The following TNFAIP8L3 variants were observed in gnomAD, a reference collection of about 807,000 sequenced individuals.
TNFAIP8L3 encodes the protein TNF alpha induced protein 8 like 3, also known as tumor necrosis factor alpha-induced protein 8-like protein 3.
TNFAIP8L3 carries 7 observed loss-of-function variants against 11.8 expected under a neutral mutation model. The observed-to-expected ratio is 0.59, with a 90% CI of 0.34 to 1.11. TNFAIP8L3 has a LOEUF of 1.11. TNFAIP8L3 is among the 50% of genes most tolerant of loss of function. TNFAIP8L3 has a pLI of 0.03. For synonymous variants in TNFAIP8L3, 98 were observed against 103.8 expected (o/e 0.94, Z 0.34); for missense variants, 219 against 258.6 (o/e 0.85, Z 1.05).
Position 51,058,342 on chromosome 15 carries a change from T to G in TNFAIP8L3, c.154A>C (p.Thr52Pro). The G allele has an allele frequency of 1.2e-6, 2 of 1,614,186 alleles. No homozygotes were observed. The highest frequency in any genetic ancestry group is 1.7e-6 in the Non-Finnish European group (2 of 1,180,036). ...KTVANMLIDD[T>P]SSEIFDELYK... ...AGCTCATCAAAGATCTCGCTGCTGG[T>G]GTCATCAATCAACATGTTGGCCACA... Residue 52 changes from threonine (T) to proline (P), a missense_variant, in exon 2 of 2, where the codon ACC becomes CCC. Thr to Pro is a conservative substitution (Grantham distance 38, BLOSUM62 -1). Transcript: ENST00000637513.
At chr15:51,083,658 T>C (rs1310512761) in intron 1 of TNFAIP8L3, among the ~76,000 whole-genome samples, 2 of 152,210 alleles carry the variant, frequency 1.3e-5, no homozygotes, top group African/African-American at 4.8e-5. Flanking sequence ...AGGCCTCATA[T>C]TTACAAGCTC....
intron 1 of TNFAIP8L3, among the ~76,000 whole-genome samples, chr15:51,076,126 C>A (rs1213356969): frequency 6.6e-6 from 1 of 152,176 alleles, no homozygotes. Context: ...TATAATCTCC[C>A]TTACATATAC....
At chr15:51,069,431 A>G (rs181226757) in intron 1 of TNFAIP8L3, 1 of 152,364 alleles carries the variant, frequency 6.6e-6, no homozygotes, top group Non-Finnish European at 1.5e-5. Flanking sequence ...CTTACATTGA[A>G]TAATTACACT....
At chr15:51,076,138 C>G (rs1213127151) in intron 1 of TNFAIP8L3, among the ~76,000 whole-genome samples, 1 of 152,156 alleles carries the variant, frequency 6.6e-6, no homozygotes, top group East Asian at 1.9e-4. Flanking sequence ...TACATATACT[C>G]TGTAGTAAAA....
intron 1 of TNFAIP8L3, among the ~76,000 whole-genome samples, chr15:51,077,228 T>C (rs879919096): frequency 2.0e-5 from 3 of 152,234 alleles, no homozygotes; most frequent in Non-Finnish European, 4.4e-5. Context: ...GCAGGCGTCA[T>C]GCTGGCTCTC....
chr15:51,092,662 T>A (rs1398886991), intron 1 of TNFAIP8L3, among the ~76,000 whole-genome samples: 1 of 152,184 alleles, frequency 6.6e-6, no homozygotes, highest in Non-Finnish European at 1.5e-5. Flanking sequence ...ATGGGGCCCA[T>A]CTGACCTTAG....
At chr15:51,092,236 C>A (rs765970177) in intron 1 of TNFAIP8L3, among the ~76,000 whole-genome samples, 17 of 152,214 alleles carry the variant, frequency 1.1e-4, no homozygotes, top group Non-Finnish European at 2.1e-4. Context: ...ATAAGTACTC[C>A]AAGAGGTCCC....
At chr15:51,063,687 G>T (rs749193069) in intron 1 of TNFAIP8L3, among the ~76,000 whole-genome samples, 51 of 152,148 alleles carry the variant, frequency 3.4e-4, no homozygotes, top group Non-Finnish European at 5.0e-4. Flanking sequence ...GTGCTATGAG[G>T]ATATCCCGAG....
At chr15:51,072,210 G>A (rs533500821) in intron 1 of TNFAIP8L3, among the ~76,000 whole-genome samples, 2 of 152,078 alleles carry the variant, frequency 1.3e-5, no homozygotes, top group African/African-American at 4.8e-5. Flanking sequence ...GCACGATCTC[G>A]GCTCACCGCA....
chr15:51,087,570 G>A (rs572677429), intron 1 of TNFAIP8L3, among the ~76,000 whole-genome samples: 1 of 152,176 alleles, frequency 6.6e-6, no homozygotes, highest in African/African-American at 2.4e-5. Flanking sequence ...TTTTACTTCT[G>A]AAACACAACC....
intron 1 of TNFAIP8L3, among the ~76,000 whole-genome samples, chr15:51,092,722 G>A (rs1567296331): frequency 6.6e-6 from 1 of 152,214 alleles, no homozygotes; most frequent in Admixed American, 6.5e-5. Context: ...AACTGACCGT[G>A]AATACAACAG....
intron 1 of TNFAIP8L3, among the ~76,000 whole-genome samples, chr15:51,104,005 G>A (rs1301127075): frequency 6.6e-6 from 1 of 152,174 alleles, no homozygotes; most frequent in Non-Finnish European, 1.5e-5. Context: ...GTGCAGAGTG[G>A]AGGGTGAGGT....
chr15:51,058,017 C>T lies in TNFAIP8L3; in HGVS notation c.479G>A (p.Arg160His), dbSNP rs754265975. ...AAAGTGGTTAAAGACGTGGTTGATG[C>T]GCCCGTGGGTCCTGGGCGTCAGGTG... Reference protein sequence around the residue: ...QRHLTPRTHGRINHVFNHFAD... With the variant: ...QRHLTPRTHGHINHVFNHFAD... The change falls in exon 2 of 2, where the codon CGC becomes CAC. Residue 160 changes from arginine to histidine, a missense_variant. Transcript: ENST00000637513. 1.9e-6 allele frequency: 3 copies of T among 1,614,166 alleles called. No individual in the cohort carries two copies. The highest frequency in any genetic ancestry group is 1.7e-5 in the Admixed American group (1 of 60,030).
intron 1 of TNFAIP8L3, among the ~76,000 whole-genome samples, chr15:51,081,594 C>T (rs2065392843): frequency 6.6e-6 from 1 of 152,230 alleles, no homozygotes; most frequent in Non-Finnish European, 1.5e-5. Context: ...CTGCTCAGAC[C>T]TCAGCCACTC....
chr15:51,090,134 T>TG (rs755275000), intron 1 of TNFAIP8L3, among the ~76,000 whole-genome samples: 1 of 152,194 alleles, frequency 6.6e-6, no homozygotes, highest in African/African-American at 2.4e-5. Context: ...GCAGCGTCTG[T>TG]GGGGTGGGGG....
In TNFAIP8L3 at chr15:51,094,253, C is replaced by T. The variant is rs961488726; in HGVS notation, c.52+291G>A. Among the ~76,000 whole-genome samples, 3 of 152,202 alleles carry T rather than the reference C, an allele frequency of 2.0e-5. No homozygotes were observed. Among genetic ancestry groups the T allele is most frequent in the Non-Finnish European group, 2.9e-5 (2 of 68,040 alleles). The stretch of plus-strand genomic sequence containing the variant: ...ACCCTCTCTGCAGCAAACTACAGTA[C>T]GCGGATTCCCGAACCCTTCCCCGCC... On this transcript the variant is annotated intron_variant, in intron 1 of 1. Transcript: ENST00000637513. This position sits in a 1 kb window ranked among gnomAD's most constrained non-coding sequence, Gnocchi z 4.4.
At chr15:51,105,092 A>G (rs2065580508) in exon 1 of TNFAIP8L3, 1 of 1,614,156 alleles carries the variant, frequency 6.2e-7, no homozygotes. Context: ...GTCCCTGCAT[A>G]TCCGTTGACC....
chr15:51,091,433 A>G (rs1244052427), intron 1 of TNFAIP8L3, among the ~76,000 whole-genome samples: 1 of 152,202 alleles, frequency 6.6e-6, no homozygotes, highest in Non-Finnish European at 1.5e-5. Flanking sequence ...TACCAATGGA[A>G]TGTGGGAGGT....
upstream of TNFAIP8L3, among the ~76,000 whole-genome samples, chr15:51,095,232 A>C (rs1167993904): frequency 2.3e-5 from 1 of 43,390 alleles, no homozygotes; most frequent in Non-Finnish European, 4.8e-5. Context: ...GCGGGGAATA[A>C]GGGAAGGGGA....
Sources: gnomAD v4.1 joint callset for allele counts (sites outside exome capture counted in the v4.1 genomes callset) on GRCh38, gnomAD v4.1.1 for gene constraint, Gnocchi (gnomAD v3.1) non-coding constraint, MANE v1.5 for transcripts, NCBI Gene and HGNC (gene_info 2026-07-23, HGNC 2026-07-21) for gene names.